The following CERKL variants were observed in gnomAD, a reference collection of about 807,000 sequenced individuals.
CERKL encodes CERK like autophagy regulator.
A neutral mutation model predicts 63.4 loss-of-function variants in CERKL; 61 were observed. The ratio of observed to expected loss-of-function variants is 0.96; its 90% CI spans 0.78 to 1.19. The LOEUF is 1.19. Ranked by LOEUF, CERKL falls within the 50% of genes most tolerant of loss-of-function variation. CERKL has a pLI of 0.00. For missense variants in CERKL, 675 were observed against 655.5 expected (o/e 1.03, Z -0.33); for synonymous variants, 250 against 230.5 (o/e 1.08, Z -0.77).
At chr2:181,619,946 A>G (rs1289276067) in intron 1 of CERKL, among the ~76,000 whole-genome samples, 6 of 152,246 alleles carry the variant, frequency 3.9e-5, no homozygotes, top group Non-Finnish European at 7.3e-5. Flanking sequence ...ATAAAACTGT[A>G]GTAGTTCAAG....
At chr2:181,582,619 T>C (rs1684571296) in intron 2 of CERKL, among the ~76,000 whole-genome samples, 1 of 150,876 alleles carries the variant, frequency 6.6e-6, no homozygotes, top group African/African-American at 2.4e-5. Flanking sequence ...CACTCCAACC[T>C]CCGCCCCCTG....
At chr2:181,546,747 T>C (rs557331767) in intron 10 of CERKL, among the ~76,000 whole-genome samples, 2 of 151,562 alleles carry the variant, frequency 1.3e-5, no homozygotes, top group Non-Finnish European at 3.0e-5. Context: ...CTATATCCCA[T>C]GGATAAAAAG....
At chr2:181,545,160 G>C (rs1411199648) in intron 10 of CERKL, among the ~76,000 whole-genome samples, 1 of 152,170 alleles carries the variant, frequency 6.6e-6, no homozygotes, top group Non-Finnish European at 1.5e-5. Flanking sequence ...TTATAGAAGA[G>C]TTAATATGCA....
chr2:181,599,662 G>T (rs1331874384), intron 2 of CERKL, among the ~76,000 whole-genome samples: 1 of 151,782 alleles, frequency 6.6e-6, no homozygotes, highest in African/African-American at 2.4e-5. Flanking sequence ...CAAACATAAA[G>T]AATCTGAAAA....
At chr2:181,632,807 C>T (rs1687023799) in intron 1 of CERKL, among the ~76,000 whole-genome samples, 1 of 152,082 alleles carries the variant, frequency 6.6e-6, no homozygotes, top group Admixed American at 6.6e-5. Flanking sequence ...TGGGAAGCTA[C>T]AACTCAAAGT....
intron 2 of CERKL, among the ~76,000 whole-genome samples, chr2:181,591,032 T>A (rs1192267341): frequency 6.6e-6 from 1 of 152,132 alleles, no homozygotes; most frequent in African/African-American, 2.4e-5. Flanking sequence ...GAATAAAATA[T>A]GGTACAGACA....
At chr2:181,638,043 G>A (rs1687258150) in intron 1 of CERKL, among the ~76,000 whole-genome samples, 1 of 152,104 alleles carries the variant, frequency 6.6e-6, no homozygotes, top group Non-Finnish European at 1.5e-5. Context: ...TGTTGTTATA[G>A]TTAGGAATCA....
In CERKL at chr2:181,652,148, A is replaced by G. The variant is rs191156765; in HGVS notation, c.238+4621T>C. 4.2e-3 allele frequency among the ~76,000 whole-genome samples: 628 copies of G among 150,634 alleles called. 6 individuals are homozygous for G. Among genetic ancestry groups the G allele is most frequent in the Admixed American group, 8.7e-3 (132 of 15,212 alleles). On this transcript the variant is annotated intron_variant, in intron 1 of 12. Coordinates refer to ENST00000410087, the MANE Select transcript of CERKL (RefSeq NM_201548.5). ...CACCATTCTTTACAGAAATGTTACA[A>G]TCTGAAAATTCATGCAGAACCACAA...
At chr2:181,618,639 T>G (rs1686317948) in intron 1 of CERKL, among the ~76,000 whole-genome samples, 1 of 152,160 alleles carries the variant, frequency 6.6e-6, no homozygotes, top group South Asian at 2.1e-4. Flanking sequence ...CTCGAACTCC[T>G]GACCTCAAGT....
At chr2:181,568,687 A>ATT (rs1341900398) in intron 3 of CERKL, among the ~76,000 whole-genome samples, 1 of 141,454 alleles carries the variant, frequency 7.1e-6, no homozygotes, top group South Asian at 2.2e-4. Context: ...TTTTTTTTTA[A>ATT]TTTTTTTTTA....
chr2:181,627,572 T>G (rs1316098095), intron 1 of CERKL, among the ~76,000 whole-genome samples: 2 of 152,192 alleles, frequency 1.3e-5, no homozygotes, highest in African/African-American at 4.8e-5. Flanking sequence ...TGCAAAATTC[T>G]TTACCAATTC....
At chr2:181,575,716 G>C (rs893039549) in intron 2 of CERKL, among the ~76,000 whole-genome samples, 5 of 152,142 alleles carry the variant, frequency 3.3e-5, no homozygotes, top group African/African-American at 1.2e-4. Flanking sequence ...GCTAAATGCA[G>C]AGGGTTTTTA....
At chr2:181,579,137 A>C (rs1207243185) in intron 2 of CERKL, among the ~76,000 whole-genome samples, 1 of 151,992 alleles carries the variant, frequency 6.6e-6, no homozygotes, top group Non-Finnish European at 1.5e-5. Context: ...ATACAGAAAT[A>C]ATGGTACTTT....
rs1366716157 is a variant in CERKL, at chr2:181,566,257, T to C, written c.614-136A>G. 2.2e-5 allele frequency: 16 copies of C among 716,502 alleles called. No homozygotes were observed. The East Asian group carries it at 4.4e-4, about 20-fold the overall frequency. 44.4% of individuals were successfully genotyped at this position (716,502 alleles called of 1,614,324 possible). On this transcript the variant is annotated intron_variant, in intron 3 of 12. Coordinates refer to ENST00000410087, the MANE Select transcript of CERKL (RefSeq NM_201548.5). ...CAGCATTTATTCTTGAATATTTATATTTTAATCATGGGCAAGAGGACTAAG... is the reference window on the plus strand; with the variant it reads ...CAGCATTTATTCTTGAATATTTATACTTTAATCATGGGCAAGAGGACTAAG...
chr2:181,641,371 C>A (rs1687436530), intron 1 of CERKL, among the ~76,000 whole-genome samples: 1 of 129,444 alleles, frequency 7.7e-6, no homozygotes, highest in African/African-American at 2.8e-5. Flanking sequence ...ATTTTTTTCC[C>A]TGAGATGGGG....
rs1480673981 is a variant in CERKL at position 181,547,724 on chromosome 2, A to T, written c.1162T>A (p.Cys388Ser). Residue 388 changes from cysteine to serine, a missense_variant and splice_region_variant, in exon 10 of 13, where the codon TGT becomes AGT. By Grantham distance (112) the Cys-to-Ser change is moderately radical. Transcript: ENST00000410087. ...RRAQGSPKSD[C>S]NDQWQMIQGQ... ...TGGATCATTTGCCATTGATCATTAC[A>T]GTCTAAAGGTAATGAAAGTGATTGG... 1.9e-6 allele frequency: 3 copies of T among 1,613,322 alleles called. No homozygotes were observed. Among genetic ancestry groups the T allele is most frequent in the East Asian group, 4.5e-5 (2 of 44,868 alleles).
At chr2:181,636,389 C>G (rs1390176998) in intron 1 of CERKL, among the ~76,000 whole-genome samples, 3 of 152,032 alleles carry the variant, frequency 2.0e-5, no homozygotes, top group African/African-American at 7.2e-5. Flanking sequence ...CCACTGCCCC[C>G]TGATCTGCTG....
chr2:181,554,992 G>C (rs6737659), intron 5 of CERKL, among the ~76,000 whole-genome samples: 59,527 of 151,910 alleles, frequency 0.39, 12,481 homozygotes, highest in African/African-American at 0.53. Flanking sequence ...AAACAAGACA[G>C]GTTAAAATGG....
chr2:181,561,906 T>C (rs1007474972), intron 4 of CERKL, among the ~76,000 whole-genome samples: 2 of 152,072 alleles, frequency 1.3e-5, no homozygotes. Context: ...CTCTCCCTCC[T>C]GGGTTCAAGT....
Sources: allele counts gnomAD v4.1 joint callset (sites outside exome capture counted in the v4.1 genomes callset), GRCh38; gene constraint gnomAD v4.1.1; transcripts MANE v1.5; gene names NCBI Gene and HGNC (gene_info 2026-07-23, HGNC 2026-07-21).